RPAP2: variants seen among roughly 807,000 people sequenced by gnomAD.
RPAP2 encodes the protein RNA polymerase II associated protein 2, also known as putative RNA polymerase II subunit B1 CTD phosphatase RPAP2.
A neutral mutation model predicts 73.1 loss-of-function variants in RPAP2; 52 were observed. The ratio of observed to expected loss-of-function variants is 0.71; its 90% CI spans 0.57 to 0.90. The LOEUF (loss-of-function observed/expected upper bound fraction) is 0.90, where lower values mean the gene tolerates loss of function less well. Ranked by LOEUF, RPAP2 falls within the 40% of genes least tolerant of loss-of-function variation. RPAP2 has a pLI of 0.00. For synonymous variants in RPAP2, 225 were observed against 242.1 expected (o/e 0.93, Z 0.65); for missense variants, 598 against 701.8 (o/e 0.85, Z 1.67).
At chr1:92,320,755 T>A in intron 7 of RPAP2, 121 bp downstream of exon 7, 4 of 636,956 alleles carry the variant, frequency 6.3e-6, no homozygotes, top group Non-Finnish European at 1.1e-5. Flanking sequence ...AGTGTCCCAT[T>A]CTAGCCCACA....
At chr1:92,372,497 T>A (rs893260142) in intron 11 of RPAP2, among the ~76,000 whole-genome samples, 1 of 152,208 alleles carries the variant, frequency 6.6e-6, no homozygotes, top group Non-Finnish European at 1.5e-5. Flanking sequence ...TAATGCCTGA[T>A]GAATTTAAAG....
chr1:92,371,319 A>AAAATATAT (rs1199565882), intron 11 of RPAP2, among the ~76,000 whole-genome samples: 2 of 61,728 alleles, frequency 3.2e-5, no homozygotes, highest in African/African-American at 1.4e-4. Flanking sequence ...AAAAAAAAAA[A>AAAATATAT]ATATATATAT....
intron 10 of RPAP2, among the ~76,000 whole-genome samples, chr1:92,339,122 A>G (rs898556220): frequency 6.6e-6 from 1 of 152,020 alleles, no homozygotes. Context: ...TTAGAACAAT[A>G]TTTTTCTATA....
In RPAP2 at chr1:92,380,773, T is replaced by C. The variant is rs1383633443; in HGVS notation, c.1738T>C (p.Phe580Leu). The change falls in exon 12 of 13, where the codon TTT becomes CTT. Residue 580 changes from phenylalanine to leucine, a missense_variant. Physicochemically the swap from Phe to Leu is conservative, Grantham distance 22. This residue lies in a region of RPAP2 where 506 missense variants were observed against 612.8 expected (regional missense o/e 0.83). Coordinates refer to ENST00000610020, the MANE Select transcript of RPAP2 (RefSeq NM_024813.3). The stretch of plus-strand genomic sequence containing the variant: ...GAAACATTCTCAGGAAGGTATGGTG[T>C]TTACACGGTTTCTAGACACCCTCCT... ...IQKHSQEGMV[F>L]TRFLDTLLEE... 6.2e-7 allele frequency: 1 copy of C among 1,605,336 alleles called. No homozygotes were observed. The highest frequency in any genetic ancestry group is 8.5e-7 in the Non-Finnish European group (1 of 1,177,294).
intron 12 of RPAP2, among the ~76,000 whole-genome samples, chr1:92,381,895 T>C (rs559521006): frequency 1.3e-5 from 2 of 151,800 alleles, no homozygotes; most frequent in South Asian, 4.2e-4. Flanking sequence ...ACATTAGGTA[T>C]ATCTCCTAAT....
rs920023417 is a variant in RPAP2, at chr1:92,352,427, A to C, written c.1688+6513A>C. Among the ~76,000 whole-genome samples, 3 of 135,364 alleles carry C rather than the reference A, an allele frequency of 2.2e-5. No individual in the cohort carries two copies. In the Admixed American group the frequency reaches 2.4e-4, roughly 11 times the overall value. The allele number at this position is 135,364 out of a possible 152,430, so 88.8% of individuals were successfully genotyped here. On this transcript the variant is annotated intron_variant, in intron 11 of 12. Transcript: ENST00000610020. The stretch of plus-strand genomic sequence containing the variant: ...AGGCCTGAATGGAAAGATGTGAGTA[A>C]GGCTTTTGCCTCAGCAGGCTGTTTT...
In RPAP2 at chr1:92,399,850, C is replaced by G. The variant is rs551295920; in HGVS notation, c.*12839C>G. The G allele has an allele frequency of 6.6e-6, 1 of 152,076 alleles. No individual in the cohort carries two copies. The highest frequency in any genetic ancestry group is 1.5e-5 in the Non-Finnish European group (1 of 68,026). The allele number at this position is 152,076 out of a possible 1,614,324, so 9.4% of individuals were successfully genotyped here. A position where few individuals can be genotyped will look rare whatever the true frequency, so the allele number is the denominator to read the frequency against. The stretch of plus-strand genomic sequence containing the variant: ...GGCCACAATGGGAGAAAAGACAGTC[C>G]ACCTTCAAAGTCAACCAGAATGACT... On this transcript the variant is annotated 3_prime_UTR_variant, in exon 13 of 13. Transcript: ENST00000610020.
intron 9 of RPAP2, 62 bp downstream of exon 9, chr1:92,333,535 C>T (rs924499194): frequency 1.2e-4 from 136 of 1,118,854 alleles, no homozygotes; most frequent in Non-Finnish European, 1.7e-4. Context: ...CATTTAAGCT[C>T]ATAATGTGTA....
At chr1:92,368,676 A>C (rs577981695) in intron 11 of RPAP2, among the ~76,000 whole-genome samples, 17 of 152,326 alleles carry the variant, frequency 1.1e-4, no homozygotes, top group African/African-American at 3.4e-4. Context: ...CCAAACTTGG[A>C]AACTCTTCTT....
At chr1:92,320,748 G>A (rs1652206955) in intron 7 of RPAP2, 114 bp downstream of exon 7, 1 of 708,124 alleles carries the variant, frequency 1.4e-6, no homozygotes, top group Admixed American at 2.4e-5. Context: ...TTATGTAAGT[G>A]TCCCATTCTA....
Position 92,387,024 on chromosome 1 carries a change from A to T in RPAP2, c.*13A>T, listed in dbSNP as rs554752692. 1 of 1,588,654 alleles carries T rather than the reference A, an allele frequency of 6.3e-7. No homozygotes were observed. The highest frequency in any genetic ancestry group is 1.7e-5 in the Admixed American group (1 of 59,156). ...TTTGCTTCACAGATATATTCCATGA[A>T]GACAAAATAGAAGATGAACTTCTAT... is the stretch of plus-strand genomic sequence containing the variant. On this transcript the variant is annotated 3_prime_UTR_variant, in exon 13 of 13. Coordinates refer to ENST00000610020, the MANE Select transcript of RPAP2 (RefSeq NM_024813.3).
chr1:92,319,816 T>G (rs1652139475), intron 6 of RPAP2, among the ~76,000 whole-genome samples: 2 of 152,080 alleles, frequency 1.3e-5, no homozygotes, highest in South Asian at 4.2e-4. Flanking sequence ...CTGACCAACA[T>G]GGAGAAACCC....
At chr1:92,311,763 A>C (rs1376457623) in intron 6 of RPAP2, among the ~76,000 whole-genome samples, 1 of 152,254 alleles carries the variant, frequency 6.6e-6, no homozygotes, top group African/African-American at 2.4e-5. Context: ...TTCCCAGTGT[A>C]TGCAAAAGTT....
rs949196077 is a variant in RPAP2, at chr1:92,396,816, T to C, written c.*9805T>C. 5.9e-5 allele frequency: 9 copies of C among 152,070 alleles called. No homozygotes were observed. Among genetic ancestry groups the C allele is most frequent in the African/African-American group, 2.2e-4 (9 of 41,384 alleles). 9.4% of individuals were successfully genotyped at this position (152,070 alleles called of 1,614,324 possible). On this transcript the variant is annotated 3_prime_UTR_variant, in exon 13 of 13. Transcript: ENST00000610020. Reference sequence around the variant, plus strand: ...CCACCATGCCCGGCTAATTTTGTATTTTTAGTAGAGACAGGTTTTCTCCAG... The same window carrying C: ...CCACCATGCCCGGCTAATTTTGTATCTTTAGTAGAGACAGGTTTTCTCCAG...
intron 8 of RPAP2, 148 bp downstream of exon 8, chr1:92,324,523 C>T (rs759077914): frequency 4.7e-6 from 3 of 638,754 alleles, no homozygotes; most frequent in Non-Finnish European, 8.0e-6. Context: ...GTTTACAGTG[C>T]CATCTCCACT....
intron 12 of RPAP2, among the ~76,000 whole-genome samples, chr1:92,381,401 T>C (rs1034669773): frequency 6.6e-5 from 10 of 152,130 alleles, no homozygotes; most frequent in Non-Finnish European, 1.5e-4. Context: ...TCCCAAACCC[T>C]TCCCTCTTTC....
At chr1:92,314,354 T>G (rs1397580274) in intron 6 of RPAP2, among the ~76,000 whole-genome samples, 6 of 151,526 alleles carry the variant, frequency 4.0e-5, no homozygotes, top group Non-Finnish European at 7.4e-5. Context: ...TTTTTGGGTT[T>G]TTTTTTTTTT....
chr1:92,299,931 T>C (rs1371930553), intron 1 of RPAP2, among the ~76,000 whole-genome samples: 1 of 152,192 alleles, frequency 6.6e-6, no homozygotes, highest in Non-Finnish European at 1.5e-5. Flanking sequence ...TTCATCCTTG[T>C]GTGACCATCA....
At chr1:92,317,450 G>A (rs1461294264) in intron 6 of RPAP2, among the ~76,000 whole-genome samples, 1 of 152,102 alleles carries the variant, frequency 6.6e-6, no homozygotes, top group African/African-American at 2.4e-5. Flanking sequence ...GGAGGTTGCA[G>A]TGAGCCGAGA....
Sources: gnomAD v4.1 joint callset for allele counts (sites outside exome capture counted in the v4.1 genomes callset) on GRCh38, gnomAD v4.1.1 for gene constraint, gnomAD v4.1.1 regional missense constraint, MANE v1.5 for transcripts, NCBI Gene and HGNC (gene_info 2026-07-23, HGNC 2026-07-21) for gene names.